The following QSOX1 variants were observed in gnomAD, a reference collection of about 807,000 sequenced individuals.
QSOX1 encodes the protein quiescin sulfhydryl oxidase 1.
QSOX1 carries 40 observed loss-of-function variants against 76.1 expected under a neutral mutation model. The observed-to-expected ratio is 0.53, with a 90% CI of 0.41 to 0.68. QSOX1 has a LOEUF of 0.68. Ranked by LOEUF, QSOX1 falls within the 30% of genes least tolerant of loss-of-function variation. The probability of loss-of-function intolerance (pLI) is 0.00; values close to 1 mark genes in which losing one functional copy is unlikely to be tolerated. For missense variants in QSOX1, 931 were observed against 974.3 expected (o/e 0.96, Z 0.59); for synonymous variants, 392 against 413.1 (o/e 0.95, Z 0.62).
intron 1 of QSOX1, among the ~76,000 whole-genome samples, chr1:180,165,306 A>C (rs747612210): frequency 2.6e-5 from 4 of 152,196 alleles, no homozygotes; most frequent in Non-Finnish European, 4.4e-5. Context: ...GCCACCAGGC[A>C]GGCCTCCTCC....
chr1:180,178,801 G>A lies in QSOX1; in HGVS notation c.523G>A (p.Glu175Lys). 1 of 1,613,736 alleles carries A rather than the reference G, an allele frequency of 6.2e-7. No homozygotes were observed. Among genetic ancestry groups the A allele is most frequent in the Non-Finnish European group, 8.5e-7 (1 of 1,179,656 alleles). Residue 175 changes from glutamate to lysine, a missense_variant, in exon 5 of 12, where the codon GAG (glutamate) becomes AAG (lysine). By Grantham distance (56) the Glu-to-Lys change is moderately conservative. Transcript: ENST00000367602. ...CPPLEPAKLE[E>K]IDGFFARNNE... Reference sequence around the variant, plus strand: ...CAGAATTGTCTCTTGCAGGCTGGAGGAGATTGATGGATTCTTTGCGAGAAA... The same window carrying A: ...CAGAATTGTCTCTTGCAGGCTGGAGAAGATTGATGGATTCTTTGCGAGAAA...
At chr1:180,180,608 A>G (rs1379351026) in intron 5 of QSOX1, among the ~76,000 whole-genome samples, 1 of 152,246 alleles carries the variant, frequency 6.6e-6, no homozygotes, top group Non-Finnish European at 1.5e-5. Flanking sequence ...TCCACCTGTC[A>G]GGTTCATGCC....
chr1:180,155,014 A>G lies in QSOX1; in HGVS notation c.107A>G (p.Tyr36Cys), dbSNP rs1208790761. Residue 36 changes from tyrosine (Y) to cysteine (C), a missense_variant, in exon 1 of 12, where the codon TAT becomes TGT. Coordinates refer to ENST00000367602, the MANE Select transcript of QSOX1 (RefSeq NM_002826.5). ...GANAAPRSAL[Y>C]SPSDPLTLLQ... The stretch of plus-strand genomic sequence containing the variant: ...AACGCGGCCCCGCGGTCGGCGCTCT[A>G]TTCGCCTTCCGACCCGCTGACGCTG... The G allele has an allele frequency of 4.2e-5, 64 of 1,512,938 alleles. No individual in the cohort carries two copies. The highest frequency in any genetic ancestry group is 5.4e-5 in the Non-Finnish European group (61 of 1,138,110). The allele number at this position is 1,512,938 out of a possible 1,614,324, so 93.7% of individuals were successfully genotyped here.
chr1:180,180,473 A>G (rs867305590), intron 5 of QSOX1, among the ~76,000 whole-genome samples: 12 of 152,150 alleles, frequency 7.9e-5, no homozygotes, highest in Middle Eastern at 6.8e-3. Flanking sequence ...GCCTCCCATA[A>G]TGCTGGGATT....
At chr1:180,156,229 C>T (rs760181738) in intron 1 of QSOX1, among the ~76,000 whole-genome samples, 6 of 152,202 alleles carry the variant, frequency 3.9e-5, no homozygotes, top group Non-Finnish European at 8.8e-5. Flanking sequence ...TGTCACACAT[C>T]CACCTAATCC....
intron 1 of QSOX1, among the ~76,000 whole-genome samples, chr1:180,160,700 G>C (rs886732470): frequency 6.6e-6 from 1 of 152,148 alleles, no homozygotes; most frequent in African/African-American, 2.4e-5. Context: ...AGAAGTTTTG[G>C]GAAAGCATGA....
At chr1:180,156,550 G>T (rs867386968) in intron 1 of QSOX1, among the ~76,000 whole-genome samples, 81 of 152,312 alleles carry the variant, frequency 5.3e-4, no homozygotes, top group African/African-American at 1.8e-3. Flanking sequence ...CTTGCAGATT[G>T]GTTTCTGAAG....
At position 180,184,014 on chromosome 1, in the gene QSOX1, A is replaced by G; in HGVS notation, c.851A>G (p.Asn284Ser). 6.2e-7 allele frequency: 1 copy of G among 1,614,196 alleles called. No individual in the cohort carries two copies. Residue 284 changes from asparagine to serine, a missense_variant, in exon 7 of 12, where the codon AAC (asparagine) becomes AGC (serine). Asn to Ser is a conservative substitution (Grantham distance 46). Coordinates refer to ENST00000367602, the MANE Select transcript of QSOX1 (RefSeq NM_002826.5). ...ACCACAGTTGCACCAACCACTGCTA[A>G]CAAGATAGCTCCCACTGTTTGGAAA... ...AQTTVAPTTA[N>S]KIAPTVWKLA...
At chr1:180,170,191 C>T (rs1053473609) in intron 2 of QSOX1, among the ~76,000 whole-genome samples, 1 of 152,130 alleles carries the variant, frequency 6.6e-6, no homozygotes, top group Admixed American at 6.5e-5. Flanking sequence ...GGGCTGTTAC[C>T]TTCTGTGGCT....
intron 8 of QSOX1, among the ~76,000 whole-genome samples, 158 bp downstream of exon 8, chr1:180,186,340 C>T (rs1663171528): frequency 1.3e-5 from 2 of 152,252 alleles, no homozygotes; most frequent in Non-Finnish European, 2.9e-5. Flanking sequence ...TAGGTGATAC[C>T]CTCCAGCCTC....
At chr1:180,161,959 T>C (rs544271575) in intron 1 of QSOX1, among the ~76,000 whole-genome samples, 1 of 152,340 alleles carries the variant, frequency 6.6e-6, no homozygotes, top group South Asian at 2.1e-4. Flanking sequence ...AGGATTATAG[T>C]TGCTTAGAAA....
intron 4 of QSOX1, among the ~76,000 whole-genome samples, chr1:180,176,241 G>A (rs1391065995): frequency 1.3e-5 from 2 of 152,256 alleles, no homozygotes; most frequent in Admixed American, 1.3e-4. Flanking sequence ...CACAGGTCCT[G>A]CTGAAGAGCC....
chr1:180,171,861 C>G (rs772029211), intron 2 of QSOX1, among the ~76,000 whole-genome samples: 2 of 152,184 alleles, frequency 1.3e-5, no homozygotes, highest in Non-Finnish European at 2.9e-5. Flanking sequence ...AGGAGAGCAA[C>G]CACAAAATGT....
chr1:180,189,765 A>G, intron 9 of QSOX1, 91 bp downstream of exon 9: 1 of 1,430,392 alleles, frequency 7.0e-7, no homozygotes, highest in Non-Finnish European at 9.4e-7. Context: ...CTTCTTCGCC[A>G]GTTTGCACCA....
At chr1:180,178,237 G>C (rs1476408044) in intron 4 of QSOX1, among the ~76,000 whole-genome samples, 1 of 152,090 alleles carries the variant, frequency 6.6e-6, no homozygotes, top group Non-Finnish European at 1.5e-5. Flanking sequence ...GACTCTTTTT[G>C]TTTGTTTGTT....
rs1663551033 is a variant in QSOX1, at chr1:180,198,126, G to A, written c.*1089G>A. 1 of 454,074 alleles carries A rather than the reference G, an allele frequency of 2.2e-6. No individual in the cohort carries two copies. The allele number at this position is 454,074 out of a possible 1,614,324, so 28.1% of individuals were successfully genotyped here. On this transcript the variant is annotated 3_prime_UTR_variant, in exon 12 of 12. Transcript: ENST00000367602. ...ACCAGCCTCACCTGGAATGCAGCCA[G>A]ACTCGATGTCCCTCAGCACACACAG... is the stretch of plus-strand genomic sequence containing the variant.
At chr1:180,178,591 A>G (rs1662954344) in intron 4 of QSOX1, among the ~76,000 whole-genome samples, 1 of 152,256 alleles carries the variant, frequency 6.6e-6, no homozygotes, top group Non-Finnish European at 1.5e-5. Flanking sequence ...GGTAGGTCAG[A>G]TGAAGAGCCA....
Position 180,196,568 on chromosome 1 carries a change from C to G in QSOX1, c.1775C>G (p.Thr592Ser). The G allele has an allele frequency of 6.2e-7, 1 of 1,614,208 alleles. No homozygotes were observed. The highest frequency in any genetic ancestry group is 8.5e-7 in the Non-Finnish European group (1 of 1,180,040). Residue 592 changes from threonine (T) to serine (S), a missense_variant, in exon 12 of 12, where the codon ACC (threonine) becomes AGC (serine). Thr to Ser is a moderately conservative substitution (Grantham distance 58, BLOSUM62 1). Transcript: ENST00000367602. This position sits in a 1 kb window ranked among gnomAD's most constrained non-coding sequence, Gnocchi z 4.1. ...GAGATGATGAAGTCCCCCACAAACA[C>G]CACCCCACATGTGCCGGCTGAGGGA... Reference protein sequence around the residue: ...KPEMMKSPTNTTPHVPAEGPE... With the variant: ...KPEMMKSPTNSTPHVPAEGPE...
intron 8 of QSOX1, 99 bp from the exon 9 acceptor site, chr1:180,189,453 G>A (rs1352741281): frequency 2.7e-5 from 3 of 111,078 alleles, no homozygotes; most frequent in Admixed American, 1.6e-4. Flanking sequence ...CCCGCCCCCC[G>A]CCCCCCGCCT....
Sources: gnomAD v4.1 joint callset for allele counts (sites outside exome capture counted in the v4.1 genomes callset) on GRCh38, gnomAD v4.1.1 for gene constraint, Gnocchi (gnomAD v3.1) non-coding constraint, MANE v1.5 for transcripts, NCBI Gene and HGNC (gene_info 2026-07-23, HGNC 2026-07-21) for gene names.